Variants in SUGT1 observed in about 807,000 individuals in gnomAD.
SUGT1 encodes protein SGT1 homolog.
SUGT1 carries 15 observed loss-of-function variants against 56.1 expected under a neutral mutation model. The ratio of observed to expected loss-of-function variants is 0.27; its 90% CI spans 0.18 to 0.41. SUGT1 has a LOEUF of 0.41. Among genes scored for constraint, SUGT1 ranks in the 10% least tolerant of loss-of-function variants. The pLI is 1.00. For missense variants in SUGT1, 347 were observed against 382.2 expected (o/e 0.91, Z 0.77); for synonymous variants, 123 against 128.6 (o/e 0.96, Z 0.30).
In SUGT1 at chr13:52,696,598, A is replaced by G. The variant is rs759140254; in HGVS notation, c.*8763A>G. 1.3e-5 allele frequency: 2 copies of G among 152,168 alleles called. No homozygotes were observed. The highest frequency in any genetic ancestry group is 2.4e-5 in the African/African-American group (1 of 41,432). The allele number at this position is 152,168 out of a possible 1,614,324, so 9.4% of individuals were successfully genotyped here. On this transcript the variant is annotated 3_prime_UTR_variant, in exon 13 of 13. Coordinates refer to ENST00000310528, the MANE Select transcript of SUGT1 (RefSeq NM_006704.5). ...TAAAAATGTCAAGCCCTTAAAGTTG[A>G]TCATTTATTTGTCAATGTAAATAGA...
In SUGT1 at chr13:52,694,412, TTAA is replaced by T. The variant is rs1427654444; in HGVS notation, c.*6582_*6584del. On this transcript the variant is annotated 3_prime_UTR_variant, in exon 13 of 13. Coordinates refer to ENST00000310528, the MANE Select transcript of SUGT1 (RefSeq NM_006704.5). ...GAGCATAAGAATTCATGAAAAGTTT[TTAA>T]TAATTTTACTTAAACAGAGCTTAAT... is the stretch of plus-strand genomic sequence containing the variant. 3.3e-5 allele frequency: 5 copies of T among 152,248 alleles called. No individual in the cohort carries two copies. The highest frequency in any genetic ancestry group is 1.3e-4 in the Admixed American group (2 of 15,286). The allele number at this position is 152,248 out of a possible 1,614,324, so 9.4% of individuals were successfully genotyped here.
In SUGT1 at chr13:52,695,381, T is replaced by TA. The variant is rs1481423961; in HGVS notation, c.*7550dup. The TA allele has an allele frequency of 6.6e-6, 1 of 152,224 alleles. No homozygotes were observed. Among genetic ancestry groups the TA allele is most frequent in the East Asian group, 1.9e-4 (1 of 5,204 alleles). 9.4% of individuals were successfully genotyped at this position (152,224 alleles called of 1,614,324 possible). A position where few individuals can be genotyped will look rare whatever the true frequency, so the allele number is the denominator to read the frequency against. The stretch of plus-strand genomic sequence containing the variant: ...GTAGTAACTTATGAATCTAGACTCT[T>TA]AAAATCCCAGTTCTGATACTTTCAT... On this transcript the variant is annotated 3_prime_UTR_variant, in exon 13 of 13. Transcript: ENST00000310528.
At chr13:52,661,537 C>T in intron 5 of SUGT1, 1 of 381,398 alleles carries the variant, frequency 2.6e-6, no homozygotes, top group South Asian at 1.8e-5. Flanking sequence ...AAGTGATCCA[C>T]CTGCCTTGGA....
intron 3 of SUGT1, chr13:52,658,050 C>A: frequency 2.5e-6 from 3 of 1,176,798 alleles, no homozygotes; most frequent in Non-Finnish European, 3.2e-6. Flanking sequence ...AACAAGACCA[C>A]CTGTATTTAA....
At position 52,659,223 on chromosome 13, in the gene SUGT1, CTT is replaced by C; in HGVS notation, c.305_306del (p.Phe102TyrfsTer8). ...AAAAACTATGCTGCTGCCCTAGAAA[CTT>C]TTACAGAAGGACAAAAATTAGATAG... On this transcript the variant is annotated frameshift_variant, in exon 5 of 13. Transcript: ENST00000310528. LOFTEE classifies it high-confidence loss of function. The C allele has an allele frequency of 6.7e-7, 1 of 1,483,006 alleles. No homozygotes were observed. Among genetic ancestry groups the C allele is most frequent in the Non-Finnish European group, 8.9e-7 (1 of 1,123,262 alleles). The allele number at this position is 1,483,006 out of a possible 1,614,324, so 91.9% of individuals were successfully genotyped here.
rs1016006314 is a variant in SUGT1 at position 52,697,645 on chromosome 13, T to C, written c.*9810T>C. The C allele has an allele frequency of 6.6e-6, 1 of 152,192 alleles. No individual in the cohort carries two copies. The highest frequency in any genetic ancestry group is 2.4e-5 in the African/African-American group (1 of 41,458). 9.4% of individuals were successfully genotyped at this position (152,192 alleles called of 1,614,324 possible). A position where few individuals can be genotyped will look rare whatever the true frequency, so the allele number is the denominator to read the frequency against. On this transcript the variant is annotated 3_prime_UTR_variant, in exon 13 of 13. Transcript: ENST00000310528. ...GGTTGTATACTTTATTTTTAAACAG[T>C]ATCAACACCGTTGAGGCCCTTCAAG...
chr13:52,679,173 A>G (rs770998687), intron 11 of SUGT1, among the ~76,000 whole-genome samples: 11 of 152,162 alleles, frequency 7.2e-5, no homozygotes, highest in Non-Finnish European at 1.3e-4. Context: ...TCCTATAGCT[A>G]CTAGGTTGTC....
At chr13:52,682,913 C>T (rs1401281974) in intron 12 of SUGT1, among the ~76,000 whole-genome samples, 1 of 152,146 alleles carries the variant, frequency 6.6e-6, no homozygotes, top group Non-Finnish European at 1.5e-5. Flanking sequence ...TTACTAGAAT[C>T]TAGACATACA....
At chr13:52,671,841 A>G (rs190008989) in intron 10 of SUGT1, among the ~76,000 whole-genome samples, 78 of 152,264 alleles carry the variant, frequency 5.1e-4, no homozygotes, top group Admixed American at 2.4e-3. Context: ...TTCTAACTAT[A>G]CAACTGATTG....
At chr13:52,659,812 ATATTTTTTTTTTTTTTTTTTT>A (rs140689886) in intron 5 of SUGT1, among the ~76,000 whole-genome samples, 241 of 38,170 alleles carry the variant, frequency 6.3e-3, no homozygotes, top group African/African-American at 0.029. Flanking sequence ...ATATATATAT[ATATTTTTTTTTTTTTTTTTTT>A]TTTTTTTTTT....
intron 7 of SUGT1, 83 bp downstream of exon 7, chr13:52,663,195 A>G: frequency 7.2e-7 from 1 of 1,390,068 alleles, no homozygotes; most frequent in Non-Finnish European, 9.9e-7. Flanking sequence ...ACTCAGGATG[A>G]GCTGTCTGAT....
intron 11 of SUGT1, among the ~76,000 whole-genome samples, chr13:52,678,282 T>C (rs1229096742): frequency 6.6e-6 from 1 of 152,114 alleles, no homozygotes; most frequent in Non-Finnish European, 1.5e-5. Context: ...TATTTGGCCC[T>C]GAAAAAAAAC....
At chr13:52,679,830 C>T in intron 11 of SUGT1, 144 bp from the exon 12 acceptor site, 5 of 683,306 alleles carry the variant, frequency 7.3e-6, no homozygotes, top group South Asian at 6.6e-5. Flanking sequence ...ACCTATATAC[C>T]AGAAAGACAC....
chr13:52,655,876 A>T (rs1327226280), intron 2 of SUGT1, among the ~76,000 whole-genome samples: 1 of 152,232 alleles, frequency 6.6e-6, no homozygotes, highest in Non-Finnish European at 1.5e-5. Flanking sequence ...GACTTGAGTC[A>T]TCAGCATGCA....
Position 52,693,118 on chromosome 13 carries a change from GTATA to G in SUGT1, c.*5295_*5298del, listed in dbSNP as rs3079543. The G allele has an allele frequency of 1.3e-5, 2 of 150,174 alleles. No individual in the cohort carries two copies. Among genetic ancestry groups the G allele is most frequent in the Admixed American group, 6.6e-5 (1 of 15,112 alleles). The allele number at this position is 150,174 out of a possible 1,614,324, so 9.3% of individuals were successfully genotyped here. On this transcript the variant is annotated 3_prime_UTR_variant, in exon 13 of 13. Coordinates refer to ENST00000310528, the MANE Select transcript of SUGT1 (RefSeq NM_006704.5). Reference sequence around the variant, plus strand: ...TTTTCCTAACTTATGTTAGCATTTTGTATATATATATATATTTGAATTTTGGCTT... The same window carrying G: ...TTTTCCTAACTTATGTTAGCATTTTGTATATATATATTTGAATTTTGGCTT...
intron 5 of SUGT1, among the ~76,000 whole-genome samples, chr13:52,660,124 C>T (rs947196087): frequency 6.6e-6 from 1 of 151,834 alleles, no homozygotes. Context: ...CCACTGCACC[C>T]AGCCGAGAGC....
At chr13:52,660,740 A>G (rs1166632951) in intron 5 of SUGT1, among the ~76,000 whole-genome samples, 1 of 152,236 alleles carries the variant, frequency 6.6e-6, no homozygotes, top group Non-Finnish European at 1.5e-5. Context: ...GAAGTTATGT[A>G]GTGCCTTGGT....
At chr13:52,657,845 A>C (rs1747840959) in intron 3 of SUGT1, among the ~76,000 whole-genome samples, 1 of 152,192 alleles carries the variant, frequency 6.6e-6, no homozygotes, top group Non-Finnish European at 1.5e-5. Flanking sequence ...ATTCATAGTT[A>C]TTGGGTATGC....
At position 52,688,868 on chromosome 13, in the gene SUGT1, T is replaced by C. The variant is rs912476272; in HGVS notation, c.*1033T>C. ...TGCTGAACTCGGTATAAATACACTT[T>C]AGAGACAGGAAAATGTTCTGTGATT... On this transcript the variant is annotated 3_prime_UTR_variant, in exon 13 of 13. Coordinates refer to ENST00000310528, the MANE Select transcript of SUGT1 (RefSeq NM_006704.5). 1.3e-5 allele frequency: 2 copies of C among 152,200 alleles called. No homozygotes were observed. Among genetic ancestry groups the C allele is most frequent in the African/African-American group, 2.4e-5 (1 of 41,454 alleles). 9.4% of individuals were successfully genotyped at this position (152,200 alleles called of 1,614,324 possible).
Sources: allele counts gnomAD v4.1 joint callset (sites outside exome capture counted in the v4.1 genomes callset), GRCh38; gene constraint gnomAD v4.1.1; transcripts MANE v1.5; gene names NCBI Gene and HGNC (gene_info 2026-07-23, HGNC 2026-07-21).